SPAG9: variants seen among roughly 807,000 people sequenced by gnomAD.
SPAG9 encodes C-Jun-amino-terminal kinase-interacting protein 4.
SPAG9 carries 35 observed loss-of-function variants against 166.5 expected under a neutral mutation model. The observed-to-expected ratio is 0.21, with a 90% CI of 0.16 to 0.28. The LOEUF (loss-of-function observed/expected upper bound fraction) is 0.28, where lower values mean the gene tolerates loss of function less well. Among genes scored for constraint, SPAG9 ranks in the 10% least tolerant of loss-of-function variants. SPAG9 has a pLI of 1.00. For missense variants in SPAG9, 1,235 were observed against 1,603.3 expected (o/e 0.77, Z 3.92); for synonymous variants, 534 against 565.5 (o/e 0.94, Z 0.79).
intron 1 of SPAG9, among the ~76,000 whole-genome samples, chr17:51,090,469 C>T (rs78191318): frequency 0.033 from 5,032 of 151,990 alleles, 221 homozygotes; most frequent in East Asian, 0.19. Flanking sequence ...TGCAGTGAGC[C>T]GAGTCCAGCC....
intron 3 of SPAG9, among the ~76,000 whole-genome samples, chr17:51,054,781 C>T (rs894834774): frequency 6.6e-6 from 1 of 152,070 alleles, no homozygotes; most frequent in African/African-American, 2.4e-5. Context: ...GTATAACCTG[C>T]TCCTGTCTTC....
At position 51,120,301 on chromosome 17, in the gene SPAG9, C is replaced by CCGGCCGCCCCCGGAGACGGATCCCG. The variant is rs2049441234; in HGVS notation, c.303+28_303+52dup. ...TCCCCGACCGGGCCGCGACCCCGCC[C>CCGGCCGCCCCCGGAGACGGATCCCG]CGGCCGCCCCCGGAGACGGATCCCG... is the stretch of plus-strand genomic sequence containing the variant. On this transcript the variant is annotated intron_variant, in intron 1 of 29. Transcript: ENST00000262013. The surrounding 1 kb of genome is among the most constrained non-coding windows in gnomAD (Gnocchi z 4.7). 2.8e-6 allele frequency: 4 copies of CCGGCCGCCCCCGGAGACGGATCCCG among 1,438,818 alleles called. No individual in the cohort carries two copies. The highest frequency in any genetic ancestry group is 3.7e-6 in the Non-Finnish European group (4 of 1,093,656). The allele number at this position is 1,438,818 out of a possible 1,614,324, so 89.1% of individuals were successfully genotyped here. A position where few individuals can be genotyped will look rare whatever the true frequency, so the allele number is the denominator to read the frequency against.
At chr17:51,003,978 T>G (rs1170409419) in intron 12 of SPAG9, among the ~76,000 whole-genome samples, 1 of 152,236 alleles carries the variant, frequency 6.6e-6, no homozygotes, top group Non-Finnish European at 1.5e-5. Context: ...AAATTGTGAC[T>G]ATTCATTCAA....
intron 19 of SPAG9, among the ~76,000 whole-genome samples, chr17:50,993,132 T>C (rs923405240): frequency 9.8e-5 from 13 of 133,044 alleles, no homozygotes; most frequent in Non-Finnish European, 2.1e-4. Context: ...CTGACCAACA[T>C]GGTAAAACCC....
intron 4 of SPAG9, chr17:51,042,703 A>T (rs1328298011): frequency 6.6e-6 from 1 of 152,230 alleles, no homozygotes; most frequent in Non-Finnish European, 1.5e-5. Context: ...CTTAATACAA[A>T]GGGTGTGTTC....
chr17:51,024,904 T>C (rs1306423297), intron 6 of SPAG9, among the ~76,000 whole-genome samples: 1 of 131,620 alleles, frequency 7.6e-6, no homozygotes. Context: ...CTTACCACAA[T>C]AAAATAAAAA....
intron 1 of SPAG9, among the ~76,000 whole-genome samples, chr17:51,093,886 T>C (rs868783328): frequency 6.6e-6 from 1 of 152,112 alleles, no homozygotes; most frequent in South Asian, 2.1e-4. Flanking sequence ...CCTTCCTTGC[T>C]CACCCACACA....
chr17:51,058,653 G>C (rs2047422882), intron 2 of SPAG9, among the ~76,000 whole-genome samples: 1 of 152,150 alleles, frequency 6.6e-6, no homozygotes, highest in South Asian at 2.1e-4. Flanking sequence ...CAGATACTTT[G>C]ATACAAAGGG....
At chr17:51,070,017 C>T (rs1041557708) in intron 2 of SPAG9, among the ~76,000 whole-genome samples, 3 of 150,702 alleles carry the variant, frequency 2.0e-5, no homozygotes, top group Non-Finnish European at 2.9e-5. Flanking sequence ...GGCTCCCTCA[C>T]GGGAGGGCTG....
At chr17:51,079,495 T>C in intron 2 of SPAG9, 89 bp downstream of exon 2, 1 of 1,304,248 alleles carries the variant, frequency 7.7e-7, no homozygotes, top group Non-Finnish European at 1.1e-6. Flanking sequence ...TACCTCGGCC[T>C]CCCAAAGTGC....
chr17:51,113,353 CA>C (rs34917845), intron 1 of SPAG9, among the ~76,000 whole-genome samples: 29,908 of 95,584 alleles, frequency 0.31, 3,319 homozygotes, highest in Admixed American at 0.39. Flanking sequence ...AATGCCATAT[CA>C]AAAAAAAAAA....
At chr17:50,992,055 A>AT (rs1420727131) in intron 19 of SPAG9, among the ~76,000 whole-genome samples, 1 of 143,432 alleles carries the variant, frequency 7.0e-6, no homozygotes, top group Non-Finnish European at 1.5e-5. Flanking sequence ...CTCCCGCCTC[A>AT]TTTTTTGATT....
At chr17:51,053,845 AAAAAAAAAAGTAT>A (rs2047251479) in intron 3 of SPAG9, among the ~76,000 whole-genome samples, 2 of 86,312 alleles carry the variant, frequency 2.3e-5, no homozygotes, top group African/African-American at 8.8e-5. Context: ...TTAAAAAAAA[AAAAAAAAAAGTAT>A]ATATATATAT....
At chr17:50,972,841 A>G (rs749317410) in intron 28 of SPAG9, among the ~76,000 whole-genome samples, 1 of 152,270 alleles carries the variant, frequency 6.6e-6, no homozygotes, top group African/African-American at 2.4e-5. Context: ...GCAAGAGCAC[A>G]GTGGTATTAC....
chr17:51,084,608 C>T (rs2048257204), intron 1 of SPAG9, among the ~76,000 whole-genome samples: 1 of 152,120 alleles, frequency 6.6e-6, no homozygotes, highest in South Asian at 2.1e-4. Context: ...GGGGTTTCAC[C>T]ATGTTGGCCA....
intron 2 of SPAG9, among the ~76,000 whole-genome samples, chr17:51,062,042 T>G (rs759865826): frequency 6.6e-6 from 1 of 152,182 alleles, no homozygotes; most frequent in South Asian, 2.1e-4. Flanking sequence ...CAACCATTTA[T>G]CACAGAAAAA....
intron 19 of SPAG9, among the ~76,000 whole-genome samples, chr17:50,991,559 C>T (rs1000194158): frequency 4.6e-5 from 7 of 151,596 alleles, no homozygotes; most frequent in South Asian, 4.2e-4. Flanking sequence ...TAAAAGTGTA[C>T]AATTCAGTGG....
At position 50,995,204 on chromosome 17, in the gene SPAG9, G is replaced by T; in HGVS notation, c.2079C>A (p.Val693=). Residue 693 remains valine (V), a synonymous_variant, in exon 18 of 30, where the codon GTC becomes GTA. Transcript: ENST00000262013. ...CTCTGGTCTTCCCACCAGATAAATT[G>T]ACTCCAACAGCACACCACAGCTTCT... is the stretch of plus-strand genomic sequence containing the variant. ...TSMKLWCAVG[V]NLSGGKTRDG... 6.2e-7 allele frequency: 1 copy of T among 1,613,946 alleles called. No homozygotes were observed. Among genetic ancestry groups the T allele is most frequent in the South Asian group, 1.1e-5 (1 of 91,060 alleles).
At chr17:51,011,191 T>C (rs1029889310) in intron 9 of SPAG9, among the ~76,000 whole-genome samples, 2 of 152,012 alleles carry the variant, frequency 1.3e-5, no homozygotes, top group Admixed American at 1.3e-4. Flanking sequence ...GCTGGCGTGA[T>C]GGTGCATGCC....
Sources: gnomAD v4.1 joint callset for allele counts (sites outside exome capture counted in the v4.1 genomes callset) on GRCh38, gnomAD v4.1.1 for gene constraint, Gnocchi (gnomAD v3.1) non-coding constraint, MANE v1.5 for transcripts, NCBI Gene and HGNC (gene_info 2026-07-23, HGNC 2026-07-21) for gene names.